Variants in PARD3 observed in about 807,000 individuals in gnomAD.
PARD3 encodes partitioning defective 3 homolog.
PARD3 carries 75 observed loss-of-function variants against 155.4 expected under a neutral mutation model. The ratio of observed to expected loss-of-function variants is 0.48; its 90% CI spans 0.40 to 0.58. PARD3 has a LOEUF of 0.58. Among genes scored for constraint, PARD3 ranks in the 20% least tolerant of loss-of-function variants. The pLI is 0.00. For synonymous variants in PARD3, 576 were observed against 610.5 expected (o/e 0.94, Z 0.83); for missense variants, 1,642 against 1,721.7 (o/e 0.95, Z 0.82).
intron 4 of PARD3, among the ~76,000 whole-genome samples, chr10:34,469,668 T>C (rs1183290460): frequency 6.6e-6 from 1 of 152,112 alleles, no homozygotes; most frequent in Non-Finnish European, 1.5e-5. Context: ...CCAATATAAA[T>C]ATTTGCTTAT....
intron 22 of PARD3, among the ~76,000 whole-genome samples, chr10:34,241,572 A>G (rs1953599539): frequency 6.6e-6 from 1 of 152,202 alleles, no homozygotes; most frequent in Non-Finnish European, 1.5e-5. Flanking sequence ...AAGAAGAAGG[A>G]AACAGACTGA....
chr10:34,222,908 G>A (rs1297905877), intron 22 of PARD3, among the ~76,000 whole-genome samples: 3 of 152,126 alleles, frequency 2.0e-5, no homozygotes, highest in East Asian at 3.9e-4. Context: ...TGGCCCACCC[G>A]GCTCTCCTCT....
intron 22 of PARD3, among the ~76,000 whole-genome samples, chr10:34,265,320 T>C (rs1279406829): frequency 6.6e-6 from 1 of 152,222 alleles, no homozygotes; most frequent in East Asian, 1.9e-4. Flanking sequence ...AAATGTCCCA[T>C]TTTGATGCCA....
At chr10:34,294,076 C>A (rs989355682) in intron 20 of PARD3, among the ~76,000 whole-genome samples, 1 of 92,588 alleles carries the variant, frequency 1.1e-5, no homozygotes, top group African/African-American at 5.5e-5. Flanking sequence ...CACTACACAC[C>A]TTTCTCTAGG....
At chr10:34,555,764 T>C (rs1428596805) in intron 2 of PARD3, among the ~76,000 whole-genome samples, 2 of 152,100 alleles carry the variant, frequency 1.3e-5, no homozygotes, top group Admixed American at 1.3e-4. Flanking sequence ...CCCACACACC[T>C]ACCTACCTAA....
At chr10:34,418,398 T>C (rs1845875529) in intron 5 of PARD3, among the ~76,000 whole-genome samples, 1 of 152,128 alleles carries the variant, frequency 6.6e-6, no homozygotes, top group South Asian at 2.1e-4. Context: ...AGTCTTGAAC[T>C]CCTAGACTCA....
Position 34,450,442 on chromosome 10 carries a change from C to T in PARD3, c.589G>A (p.Glu197Lys). ...TCCCGCGGGAGGCTTCTGTAGTTTT[C>T]ATCTTTCTATTCAAAAAGAAACAAA... ...SPKTCDRKKD[E>K]NYRSLPRDTS... The change falls in exon 5 of 25, where the codon GAA becomes AAA. Residue 197 changes from glutamate (E) to lysine (K), a missense_variant. Glu to Lys is a moderately conservative substitution (Grantham distance 56, BLOSUM62 1). This residue lies in a region of PARD3 where 1,529 missense variants were observed against 1,587.3 expected (regional missense o/e 0.96). Transcript: ENST00000374788. 6.2e-7 allele frequency: 1 copy of T among 1,608,276 alleles called. No individual in the cohort carries two copies. Among genetic ancestry groups the T allele is most frequent in the Non-Finnish European group, 8.5e-7 (1 of 1,178,496 alleles).
intron 5 of PARD3, among the ~76,000 whole-genome samples, chr10:34,426,488 A>G (rs1164285027): frequency 6.6e-6 from 1 of 152,202 alleles, no homozygotes; most frequent in Non-Finnish European, 1.5e-5. Flanking sequence ...GAACCAAAAT[A>G]GTTACAGTGC....
chr10:34,813,031 C>T (rs1588877895), intron 1 of PARD3, among the ~76,000 whole-genome samples: 1 of 152,176 alleles, frequency 6.6e-6, no homozygotes, highest in South Asian at 2.1e-4. Context: ...CTCAGCTTCT[C>T]ACAGCCAGTG....
chr10:34,114,646 A>C (rs1946568121), intron 24 of PARD3, among the ~76,000 whole-genome samples: 1 of 152,166 alleles, frequency 6.6e-6, no homozygotes, highest in South Asian at 2.1e-4. Context: ...TGCTCGGCCA[A>C]AAATTGTTTT....
intron 9 of PARD3, 86 bp from the exon 10 acceptor site, chr10:34,378,192 C>A (rs1274234596): frequency 1.0e-6 from 1 of 978,790 alleles, no homozygotes; most frequent in Non-Finnish European, 1.5e-6. Context: ...TCAACCTCAA[C>A]TTGACATTTT....
chr10:34,414,346 TG>T (rs1354718992), intron 5 of PARD3, among the ~76,000 whole-genome samples: 1 of 152,202 alleles, frequency 6.6e-6, no homozygotes, highest in African/African-American at 2.4e-5. Context: ...ATGGCTCAGC[TG>T]TTTTCTCAAG....
At chr10:34,314,896 T>C (rs902927526) in intron 20 of PARD3, among the ~76,000 whole-genome samples, 3 of 152,218 alleles carry the variant, frequency 2.0e-5, no homozygotes, top group Non-Finnish European at 4.4e-5. Context: ...TTGCAAAGTT[T>C]CTAAAAATTG....
chr10:34,470,519 G>A (rs773576044), intron 3 of PARD3, among the ~76,000 whole-genome samples: 1 of 152,168 alleles, frequency 6.6e-6, no homozygotes, highest in Non-Finnish European at 1.5e-5. Context: ...TGTTATCTAT[G>A]TGGCCCTGGC....
At chr10:34,784,679 C>T (rs980768417) in intron 1 of PARD3, among the ~76,000 whole-genome samples, 1 of 152,310 alleles carries the variant, frequency 6.6e-6, no homozygotes, top group South Asian at 2.1e-4. Context: ...TCAAGCGATC[C>T]GCCCGCCTCA....
At chr10:34,697,545 G>A (rs759816303) in intron 1 of PARD3, among the ~76,000 whole-genome samples, 5 of 152,106 alleles carry the variant, frequency 3.3e-5, no homozygotes, top group Non-Finnish European at 5.9e-5. Flanking sequence ...GCATGCCTAA[G>A]TATCACTGAA....
chr10:34,114,435 C>T (rs2132639439), intron 24 of PARD3, among the ~76,000 whole-genome samples: 1 of 152,178 alleles, frequency 6.6e-6, no homozygotes, highest in East Asian at 1.9e-4. Context: ...CTTCTACTTC[C>T]TGGGTTCAAG....
At chr10:34,255,028 G>C (rs1418560267) in intron 22 of PARD3, among the ~76,000 whole-genome samples, 2 of 152,154 alleles carry the variant, frequency 1.3e-5, no homozygotes, top group African/African-American at 2.4e-5. Flanking sequence ...TTTAGTTTTT[G>C]TTACAAAGCA....
chr10:34,305,247 C>A (rs964790044), intron 20 of PARD3, among the ~76,000 whole-genome samples: 4 of 152,154 alleles, frequency 2.6e-5, no homozygotes, highest in African/African-American at 9.7e-5. Context: ...CAAGGCATAC[C>A]TCAGATTCCA....
Sources: allele counts gnomAD v4.1 joint callset (sites outside exome capture counted in the v4.1 genomes callset), GRCh38; gene constraint gnomAD v4.1.1; regional missense constraint gnomAD v4.1.1; transcripts MANE v1.5; gene names NCBI Gene and HGNC (gene_info 2026-07-23, HGNC 2026-07-21).